Variants in TFAP2B observed in about 807,000 individuals in gnomAD.
TFAP2B encodes transcription factor AP-2 beta.
TFAP2B carries 9 observed loss-of-function variants against 44.3 expected under a neutral mutation model. That is an observed-to-expected ratio of 0.20 (90% CI 0.12 to 0.35). The LOEUF (loss-of-function observed/expected upper bound fraction) is 0.35, where lower values mean the gene tolerates loss of function less well. Among genes scored for constraint, TFAP2B ranks in the 10% least tolerant of loss-of-function variants. The pLI, the probability that TFAP2B is intolerant of heterozygous loss-of-function variation, is 1.00. For missense variants in TFAP2B, 509 were observed against 600.0 expected, an observed-to-expected ratio of 0.85 and a Z score of 1.59; for synonymous variants, 270 against 263.8, an observed-to-expected ratio of 1.02 and a Z score of -0.23.
chr6:50,841,440 T>G lies in TFAP2B; in HGVS notation c.1082+1143T>G, dbSNP rs572102270. On this transcript the variant is annotated intron_variant, in intron 6 of 6. Coordinates refer to ENST00000393655, the MANE Select transcript of TFAP2B (RefSeq NM_003221.4). Reference sequence around the variant, plus strand: ...TCTGGTGAGGCACGGGGTGTGTGTGTGGGGGGGATCAGTTGTGCTTTATAA... The same window carrying G: ...TCTGGTGAGGCACGGGGTGTGTGTGGGGGGGGGATCAGTTGTGCTTTATAA... Among the ~76,000 whole-genome samples, 392 of 151,710 alleles carry G rather than the reference T, an allele frequency of 2.6e-3. 1 individual carries two copies. The highest frequency in any genetic ancestry group is 0.01 in the Middle Eastern group (3 of 294).
upstream of TFAP2B, among the ~76,000 whole-genome samples, chr6:50,818,533 A>G (rs1363268291): frequency 6.6e-6 from 1 of 152,232 alleles, no homozygotes; most frequent in Admixed American, 6.5e-5. Flanking sequence ...TATAGAAGTT[A>G]TAAAATGTAT....
At chr6:50,836,928 G>C (rs1307197589) in intron 4 of TFAP2B, among the ~76,000 whole-genome samples, 5 of 152,198 alleles carry the variant, frequency 3.3e-5, no homozygotes, top group Non-Finnish European at 7.3e-5. Flanking sequence ...GTGCTTCACA[G>C]TATTCCACAG....
intron 3 of TFAP2B, among the ~76,000 whole-genome samples, chr6:50,833,413 A>G (rs1762554498): frequency 6.6e-6 from 1 of 152,250 alleles, no homozygotes; most frequent in Non-Finnish European, 1.5e-5. Flanking sequence ...AGAGAGGTTT[A>G]GAACATGAGG....
chr6:50,842,619 A>T (rs1471246546), intron 6 of TFAP2B, among the ~76,000 whole-genome samples: 1 of 152,250 alleles, frequency 6.6e-6, no homozygotes, highest in African/African-American at 2.4e-5. Context: ...GGCTCCAGCA[A>T]TCTGCTTCAG....
Position 50,822,129 on chromosome 6 carries a change from T to A in TFAP2B, c.82-1278T>A, listed in dbSNP as rs934603250. 6.9e-6 allele frequency: 9 copies of A among 1,303,852 alleles called. No individual in the cohort carries two copies. In the East Asian group the frequency reaches 4.4e-4, roughly 64 times the overall value. 80.8% of individuals were successfully genotyped at this position (1,303,852 alleles called of 1,614,324 possible). On this transcript the variant is annotated intron_variant, in intron 1 of 6. Transcript: ENST00000393655. ...TTTGAGCAGTAACCAGGCTTTTTTT[T>A]CCAGATGTTAGTCCACACCTATTCA...
intron 5 of TFAP2B, 108 bp from the exon 6 acceptor site, chr6:50,840,048 C>T: frequency 1.4e-6 from 2 of 1,457,434 alleles, no homozygotes; most frequent in Non-Finnish European, 1.9e-6. Flanking sequence ...TTGGCTCCAA[C>T]AGCTGGCCTT....
chr6:50,818,787 T>C (rs1448765056), upstream of TFAP2B: 6 of 987,170 alleles, frequency 6.1e-6, no homozygotes, highest in Admixed American at 3.8e-5. Context: ...TAAGTTGCGA[T>C]GGGAGAGGAG....
chr6:50,843,114 G>T lies in TFAP2B; in HGVS notation c.1105G>T (p.Asp369Tyr). The T allele has an allele frequency of 6.2e-7, 1 of 1,614,262 alleles. No homozygotes were observed. The highest frequency in any genetic ancestry group is 8.5e-7 in the Non-Finnish European group (1 of 1,180,052). The change falls in exon 7 of 7, where the codon GAT becomes TAT. Residue 369 changes from aspartate to tyrosine, a missense_variant. By Grantham distance (160) the Asp-to-Tyr change is radical. This residue lies in a region of TFAP2B where 168 missense variants were observed against 183.2 expected (regional missense o/e 0.92). Transcript: ENST00000393655. ...ATKQLCKEFT[D>Y]LLAQDRTPIG... ...CAGGCAACTTTGTAAAGAATTTACG[G>T]ATCTACTGGCGCAGGACCGGACACC...
chr6:50,840,317 G>T lies in TFAP2B; in HGVS notation c.1082+20G>T. 1 of 1,612,466 alleles carries T rather than the reference G, an allele frequency of 6.2e-7. No homozygotes were observed. Among genetic ancestry groups the T allele is most frequent in the Non-Finnish European group, 8.5e-7 (1 of 1,179,992 alleles). The stretch of plus-strand genomic sequence containing the variant: ...CACCAAGTGAGTTTATTAGACTCTG[G>T]GCCCTCATCTCACTCCCAGCTGGCT... On this transcript the variant is annotated intron_variant, in intron 6 of 6. Transcript: ENST00000393655.
chr6:50,829,324 C>T (rs183923613), intron 3 of TFAP2B, among the ~76,000 whole-genome samples: 1 of 152,306 alleles, frequency 6.6e-6, no homozygotes, highest in East Asian at 1.9e-4. Context: ...TGTTTGCAGT[C>T]TCTTGTACAG....
At position 50,843,492 on chromosome 6, in the gene TFAP2B, A is replaced by G; in HGVS notation, c.*100A>G. 1 of 1,278,320 alleles carries G rather than the reference A, an allele frequency of 7.8e-7. No homozygotes were observed. Among genetic ancestry groups the G allele is most frequent in the African/African-American group, 1.5e-5 (1 of 66,294 alleles). The allele number at this position is 1,278,320 out of a possible 1,614,324, so 79.2% of individuals were successfully genotyped here. ...AAAATATTGGATTGGCTTTGGAAGA[A>G]TTATATTAGGTAGAATACACATACA... is the stretch of plus-strand genomic sequence containing the variant. On this transcript the variant is annotated 3_prime_UTR_variant, in exon 7 of 7. Coordinates refer to ENST00000393655, the MANE Select transcript of TFAP2B (RefSeq NM_003221.4).
chr6:50,838,119 CG>C, intron 5 of TFAP2B, 26 bp downstream of exon 5: 1 of 1,540,074 alleles, frequency 6.5e-7, no homozygotes, highest in Non-Finnish European at 9.0e-7. Flanking sequence ...GGCCATTTCA[CG>C]AAGTGGCTGA....
At chr6:50,822,878 C>A (rs1770392231) in intron 1 of TFAP2B, among the ~76,000 whole-genome samples, 1 of 152,200 alleles carries the variant, frequency 6.6e-6, no homozygotes. Context: ...CCTAATCAGC[C>A]AGCTGCATTT....
rs1235833728 is a variant in TFAP2B at position 50,847,034 on chromosome 6, TAA to T, written c.*3643_*3644del. 6.6e-5 allele frequency: 10 copies of T among 152,656 alleles called. No homozygotes were observed. The highest frequency in any genetic ancestry group is 1.3e-4 in the Non-Finnish European group (9 of 68,044). 9.5% of individuals were successfully genotyped at this position (152,656 alleles called of 1,614,324 possible). A position where few individuals can be genotyped will look rare whatever the true frequency, so the allele number is the denominator to read the frequency against. ...TCCTCTGCTACAATGCTTTCCTAGT[TAA>T]GAGTGTTTATAGAGAATTTGTCATC... On this transcript the variant is annotated 3_prime_UTR_variant, in exon 7 of 7. Transcript: ENST00000393655.
At chr6:50,830,416 T>A in intron 3 of TFAP2B, 1 of 511,204 alleles carries the variant, frequency 2.0e-6, no homozygotes. Flanking sequence ...AATGTGAATA[T>A]TTATGTGCAA....
rs543051247 is a variant in TFAP2B, at chr6:50,835,610, C to T, written c.602-451C>T. ...CATTGGAATTACCATTTTATATCAC[C>T]GCATGGTGATAATCACCGTCAGGCT... is the stretch of plus-strand genomic sequence containing the variant. On this transcript the variant is annotated intron_variant, in intron 3 of 6. Coordinates refer to ENST00000393655, the MANE Select transcript of TFAP2B (RefSeq NM_003221.4). 3.9e-5 allele frequency among the ~76,000 whole-genome samples: 6 copies of T among 152,194 alleles called. No homozygotes were observed. The South Asian group carries it at 8.3e-4, about 21-fold the overall frequency.
intron 5 of TFAP2B, among the ~76,000 whole-genome samples, chr6:50,838,313 G>A (rs1762661950): frequency 6.6e-6 from 1 of 152,188 alleles, no homozygotes; most frequent in Non-Finnish European, 1.5e-5. Context: ...GAGTTCCTGT[G>A]CTCTGAAAAG....
intron 1 of TFAP2B, chr6:50,822,218 T>A: frequency 1.6e-6 from 2 of 1,248,792 alleles, no homozygotes; most frequent in Non-Finnish European, 2.1e-6. Flanking sequence ...ACTGTCTCTC[T>A]GTCTCTGCGT....
intron 3 of TFAP2B, among the ~76,000 whole-genome samples, chr6:50,834,464 T>C (rs1762580094): frequency 6.6e-6 from 1 of 152,184 alleles, no homozygotes; most frequent in African/African-American, 2.4e-5. Context: ...CCTCATCCAC[T>C]CTTGTAATAA....
Sources: allele counts gnomAD v4.1 joint callset (sites outside exome capture counted in the v4.1 genomes callset), GRCh38; gene constraint gnomAD v4.1.1; regional missense constraint gnomAD v4.1.1; transcripts MANE v1.5; gene names NCBI Gene and HGNC (gene_info 2026-07-23, HGNC 2026-07-21).